ISM1: variants seen among roughly 807,000 people sequenced by gnomAD.
ISM1 encodes isthmin-1.
A neutral mutation model predicts 46.3 loss-of-function variants in ISM1; 25 were observed. That is an observed-to-expected ratio of 0.54 (90% confidence interval 0.39 to 0.75). The LOEUF is 0.75. ISM1 is among the 30% of genes least tolerant of loss of function. The probability of loss-of-function intolerance (pLI) is 0.00; values close to 1 mark genes in which losing one functional copy is unlikely to be tolerated. For missense variants in ISM1, 536 were observed against 625.4 expected, an observed-to-expected ratio of 0.86 and a Z score of 1.52; for synonymous variants, 255 against 256.7, an observed-to-expected ratio of 0.99 and a Z score of 0.06.
chr20:13,227,545 G>A (rs8116752), intron 1 of ISM1, among the ~76,000 whole-genome samples: 6,616 of 108,264 alleles, frequency 0.061, 271 homozygotes, highest in African/African-American at 0.14. Context: ...GTCTTGCTCT[G>A]TCACCCAGGC....
intron 1 of ISM1, among the ~76,000 whole-genome samples, chr20:13,232,484 T>G (rs1157553251): frequency 2.0e-5 from 3 of 152,256 alleles, no homozygotes; most frequent in Non-Finnish European, 2.9e-5. Context: ...TTGTTCCTTT[T>G]TATTACCAAT....
At chr20:13,316,852 G>A in the ISM1 span, among the ~76,000 whole-genome samples, 1 of 151,734 alleles carries the variant, frequency 6.6e-6, no homozygotes, top group Non-Finnish European at 1.5e-5. Flanking sequence ...GAAACTCAAA[G>A]CTTTCCCACT....
At chr20:13,249,439 C>T (rs1236212749) in intron 1 of ISM1, among the ~76,000 whole-genome samples, 1 of 152,174 alleles carries the variant, frequency 6.6e-6, no homozygotes, top group East Asian at 1.9e-4. Flanking sequence ...CATGGCAGGA[C>T]CACACGGAGT....
the ISM1 span, among the ~76,000 whole-genome samples, chr20:13,309,807 A>C: frequency 6.6e-6 from 1 of 152,076 alleles, no homozygotes; most frequent in Non-Finnish European, 1.5e-5. Context: ...CAAAAAAACT[A>C]TCCAAAAAAG....
intron 1 of ISM1, among the ~76,000 whole-genome samples, chr20:13,268,150 T>C (rs979508660): frequency 2.1e-5 from 3 of 141,508 alleles, no homozygotes; most frequent in African/African-American, 5.3e-5. Context: ...TCTTCTCTTC[T>C]CTTCCCTTCC....
chr20:13,222,277 A>G (rs1252555241), intron 1 of ISM1, among the ~76,000 whole-genome samples: 1 of 152,156 alleles, frequency 6.6e-6, no homozygotes. Context: ...TCGGAGGCTG[A>G]GTAATGTTAC....
intron 1 of ISM1, among the ~76,000 whole-genome samples, chr20:13,268,912 T>C (rs1174450901): frequency 6.6e-6 from 1 of 152,102 alleles, no homozygotes; most frequent in Non-Finnish European, 1.5e-5. Flanking sequence ...AGACCCTGTC[T>C]CTAAAAAATG....
the ISM1 span, among the ~76,000 whole-genome samples, chr20:13,305,831 AC>A: frequency 1.3e-5 from 2 of 152,198 alleles, no homozygotes; most frequent in Non-Finnish European, 2.9e-5. Flanking sequence ...TTAAATGCAT[AC>A]CTTTTTTCTT....
the ISM1 span, among the ~76,000 whole-genome samples, chr20:13,324,939 GACC>G: frequency 6.6e-6 from 1 of 152,196 alleles, no homozygotes; most frequent in African/African-American, 2.4e-5. Flanking sequence ...TAGCTTTGAT[GACC>G]ACATTTTAAC....
intron 3 of ISM1, among the ~76,000 whole-genome samples, chr20:13,285,943 G>C (rs565300449): frequency 6.6e-6 from 1 of 152,298 alleles, no homozygotes; most frequent in South Asian, 2.1e-4. Flanking sequence ...TTTCTGGATA[G>C]TGGAGGTCCC....
At chr20:13,223,981 C>T (rs1337172282) in intron 1 of ISM1, among the ~76,000 whole-genome samples, 3 of 152,016 alleles carry the variant, frequency 2.0e-5, no homozygotes, top group Non-Finnish European at 4.4e-5. Context: ...AGAGAAGCAG[C>T]TGGTGGAAGT....
At chr20:13,291,547 C>T (rs1406391461) in intron 4 of ISM1, among the ~76,000 whole-genome samples, 1 of 152,192 alleles carries the variant, frequency 6.6e-6, no homozygotes, top group South Asian at 2.1e-4. Context: ...CACAGTGCCT[C>T]ACTCCCTCCT....
At chr20:13,244,316 A>G (rs2039767615) in intron 1 of ISM1, 1 of 139,596 alleles carries the variant, frequency 7.2e-6, no homozygotes, top group Admixed American at 7.2e-5. Context: ...CGACACTAAG[A>G]TGACCACAGC....
chr20:13,319,944 C>A, the ISM1 span, among the ~76,000 whole-genome samples: 1 of 152,190 alleles, frequency 6.6e-6, no homozygotes, highest in Non-Finnish European at 1.5e-5. Flanking sequence ...GCACCACCAG[C>A]ATGACACAGA....
the ISM1 span, among the ~76,000 whole-genome samples, chr20:13,309,885 T>A: frequency 6.6e-6 from 1 of 152,140 alleles, no homozygotes; most frequent in South Asian, 2.1e-4. Context: ...TTTAACCAAA[T>A]GGATGAAAGA....
At chr20:13,325,327 C>T in the ISM1 span, among the ~76,000 whole-genome samples, 1 of 152,222 alleles carries the variant, frequency 6.6e-6, no homozygotes, top group Admixed American at 6.5e-5. Flanking sequence ...ATCTGCAACA[C>T]GTGCCAACCT....
Position 13,288,674 on chromosome 20 carries a change from A to G in ISM1, c.778A>G (p.Asn260Asp), listed in dbSNP as rs2040319522. Reference protein sequence around the residue: ...ATESRTCDRPNCPGIEDTFRT... With the variant: ...ATESRTCDRPDCPGIEDTFRT... The stretch of plus-strand genomic sequence containing the variant: ...AGAATCGAGGACCTGTGACCGTCCA[A>G]ACTGCCCAGGTGCGTTTACCTGAGT... The change falls in exon 4 of 6, where the codon AAC becomes GAC. Residue 260 changes from asparagine to aspartate, a missense_variant. Transcript: ENST00000262487. The G allele has an allele frequency of 6.2e-7, 1 of 1,613,614 alleles. No individual in the cohort carries two copies. The highest frequency in any genetic ancestry group is 8.5e-7 in the Non-Finnish European group (1 of 1,179,668).
At chr20:13,272,424 C>T (rs1434085309) in intron 2 of ISM1, among the ~76,000 whole-genome samples, 3 of 152,200 alleles carry the variant, frequency 2.0e-5, no homozygotes, top group Admixed American at 6.5e-5. Context: ...CCTGTTCCCT[C>T]CAATAAATTA....
chr20:13,237,610 C>T (rs988848500), intron 1 of ISM1, among the ~76,000 whole-genome samples: 2 of 152,142 alleles, frequency 1.3e-5, no homozygotes, highest in Non-Finnish European at 2.9e-5. Flanking sequence ...AATGTTTTGC[C>T]TCTTGATCTA....
Sources: gnomAD v4.1 joint callset for allele counts (sites outside exome capture counted in the v4.1 genomes callset) on GRCh38, gnomAD v4.1.1 for gene constraint, MANE v1.5 for transcripts, NCBI Gene and HGNC (gene_info 2026-07-23, HGNC 2026-07-21) for gene names.